Variants in SP140 observed in about 807,000 individuals in gnomAD.
The protein encoded by SP140 is SP140 nuclear body protein.
Under a neutral mutation model 125.0 loss-of-function variants are expected in SP140, and 81 were observed. The ratio of observed to expected loss-of-function variants is 0.65; its 90% CI spans 0.54 to 0.78. SP140 has a LOEUF of 0.78. Among genes scored for constraint, SP140 ranks in the 30% least tolerant of loss-of-function variants. The pLI, the probability that SP140 is intolerant of heterozygous loss-of-function variation, is 0.00. For missense variants in SP140, 858 were observed against 1,037.0 expected (o/e 0.83, Z 2.37); for synonymous variants, 312 against 354.0 (o/e 0.88, Z 1.33).
At chr2:230,305,074 T>A (rs1398845137) in intron 22 of SP140, among the ~76,000 whole-genome samples, 1 of 151,646 alleles carries the variant, frequency 6.6e-6, no homozygotes, top group Admixed American at 6.6e-5. Flanking sequence ...AATCAAATAA[T>A]CCCATCAAAA....
intron 1 of SP140, among the ~76,000 whole-genome samples, chr2:230,235,642 G>C (rs892398436): frequency 6.6e-6 from 1 of 152,036 alleles, no homozygotes; most frequent in African/African-American, 2.4e-5. Context: ...TCTTCATACC[G>C]TTTAGAAATA....
chr2:230,213,082 G>A, intron 1 of SP140: 1 of 1,581,434 alleles, frequency 6.3e-7, no homozygotes, highest in Non-Finnish European at 8.7e-7. Flanking sequence ...AATTACTTGG[G>A]GAAGGGGATT....
intron 1 of SP140, among the ~76,000 whole-genome samples, chr2:230,236,016 A>G (rs982415546): frequency 6.6e-6 from 1 of 151,930 alleles, no homozygotes; most frequent in Non-Finnish European, 1.5e-5. Context: ...AGCTGGGACT[A>G]CAGGCACCTG....
chr2:230,207,172 G>A (rs2043959068), intron 1 of SP140, among the ~76,000 whole-genome samples: 1 of 152,130 alleles, frequency 6.6e-6, no homozygotes, highest in Admixed American at 6.6e-5. Context: ...CAGGAGGAAA[G>A]GATGATGGCT....
chr2:230,292,391 AG>A (rs2149488450), intron 19 of SP140, among the ~76,000 whole-genome samples: 1 of 152,322 alleles, frequency 6.6e-6, no homozygotes, highest in African/African-American at 2.4e-5. Flanking sequence ...AATGCTTAAA[AG>A]GTTGCTCTTG....
chr2:230,225,730 ACTTTT>A, upstream of SP140: 1 of 865,424 alleles, frequency 1.2e-6, no homozygotes, highest in South Asian at 1.4e-5. Flanking sequence ...AGGCAATTTC[ACTTTT>A]CTTTTCCTCT....
At chr2:230,298,672 C>T (rs1282913858) in intron 22 of SP140, among the ~76,000 whole-genome samples, 4 of 152,192 alleles carry the variant, frequency 2.6e-5, no homozygotes, top group African/African-American at 9.6e-5. Flanking sequence ...TATCCCCATG[C>T]GTCCATAACC....
the SP140 span, among the ~76,000 whole-genome samples, chr2:230,194,920 AG>A: frequency 6.6e-6 from 1 of 152,122 alleles, no homozygotes; most frequent in Non-Finnish European, 1.5e-5. Context: ...GGGGTGGCCT[AG>A]GGGACAAGGT....
chr2:230,244,942 C>T lies in SP140; in HGVS notation c.572-46C>T, dbSNP rs756747062. 3.0e-6 allele frequency: 4 copies of T among 1,332,202 alleles called. No individual in the cohort carries two copies. The South Asian group carries it at 4.9e-5, about 16-fold the overall frequency. The allele number at this position is 1,332,202 out of a possible 1,614,324, so 82.5% of individuals were successfully genotyped here. ...GCTGAACACCAGGATTCAGCAGGAG[C>T]ATCCTGAGGTCTGTGCTCTCATCAC... On this transcript the variant is annotated intron_variant, in intron 5 of 26. Coordinates refer to ENST00000392045, the MANE Select transcript of SP140 (RefSeq NM_007237.5).
chr2:230,197,824 T>G, the SP140 span, among the ~76,000 whole-genome samples: 2 of 152,164 alleles, frequency 1.3e-5, no homozygotes, highest in East Asian at 3.8e-4. Context: ...ATAATTTTCT[T>G]TTTCTTTGTT....
intron 19 of SP140, 46 bp from the exon 20 acceptor site, chr2:230,292,600 G>A (rs763864133): frequency 1.9e-5 from 31 of 1,612,474 alleles, no homozygotes; most frequent in Middle Eastern, 1.6e-4. Flanking sequence ...TAGTCTGTGC[G>A]CTGGGAAAAA....
At chr2:230,236,777 A>G (rs528108630) in intron 1 of SP140, among the ~76,000 whole-genome samples, 2 of 152,328 alleles carry the variant, frequency 1.3e-5, no homozygotes, top group South Asian at 4.1e-4. Flanking sequence ...AAAGATTTTG[A>G]CATCTTTTAA....
At chr2:230,236,171 G>A (rs780778035) in intron 1 of SP140, among the ~76,000 whole-genome samples, 5 of 152,054 alleles carry the variant, frequency 3.3e-5, no homozygotes, top group African/African-American at 9.7e-5. Flanking sequence ...CACCGCGCCC[G>A]GCCTTCTTGT....
chr2:230,312,728 A>C lies in SP140; in HGVS notation c.*44A>C, dbSNP rs952925524. 7.0e-7 allele frequency: 1 copy of C among 1,421,598 alleles called. No individual in the cohort carries two copies. Among genetic ancestry groups the C allele is most frequent in the Non-Finnish European group, 9.9e-7 (1 of 1,008,096 alleles). The allele number at this position is 1,421,598 out of a possible 1,614,324, so 88.1% of individuals were successfully genotyped here. A position where few individuals can be genotyped will look rare whatever the true frequency, so the allele number is the denominator to read the frequency against. ...AAAGCATTCAGCAAATGGCACCCTAAAATATGCCGCTGGTTTGCCACTGAC... is the reference window on the plus strand; with the variant it reads ...AAAGCATTCAGCAAATGGCACCCTACAATATGCCGCTGGTTTGCCACTGAC... On this transcript the variant is annotated 3_prime_UTR_variant, in exon 27 of 27. Coordinates refer to ENST00000392045, the MANE Select transcript of SP140 (RefSeq NM_007237.5).
rs1176703998 is a variant in SP140, at chr2:230,237,129, C to G, written c.106C>G (p.Gln36Glu). The part of the protein sequence containing the change: ...QNVEGQNLQE[Q>E]VCPEPIFRFF... ...CGTAGAGGGTCAGAACCTGCAGGAG[C>G]AGGTTTGCCCTGAGCCCATTTTCAG... Residue 36 changes from glutamine to glutamate, a missense_variant, in exon 2 of 27, where the codon CAG becomes GAG. This residue lies in a region of SP140 where 791 missense variants were observed against 869.5 expected (regional missense o/e 0.91). Transcript: ENST00000392045. This position sits in a 1 kb window ranked among gnomAD's most constrained non-coding sequence, Gnocchi z 5.4. 5.0e-6 allele frequency: 8 copies of G among 1,609,466 alleles called. No individual in the cohort carries two copies. The highest frequency in any genetic ancestry group is 6.8e-6 in the Non-Finnish European group (8 of 1,178,512).
intron 22 of SP140, among the ~76,000 whole-genome samples, chr2:230,305,552 C>T (rs1239538805): frequency 6.6e-6 from 1 of 152,236 alleles, no homozygotes; most frequent in East Asian, 1.9e-4. Context: ...GGAGCCGCTG[C>T]AATGGGGCTA....
intron 15 of SP140, 56 bp from the exon 16 acceptor site, chr2:230,284,290 T>C (rs2056058137): frequency 4.7e-6 from 7 of 1,498,124 alleles, no homozygotes; most frequent in Admixed American, 2.2e-5. Flanking sequence ...CATATAAAAC[T>C]CAGAGAATTA....
chr2:230,276,384 G>T (rs889825495), intron 15 of SP140, among the ~76,000 whole-genome samples: 1 of 152,106 alleles, frequency 6.6e-6, no homozygotes, highest in Non-Finnish European at 1.5e-5. Context: ...TGCTGTATAA[G>T]TAAAATAAAG....
upstream of SP140, among the ~76,000 whole-genome samples, chr2:230,198,519 G>A (rs1161315261): frequency 9.2e-5 from 14 of 152,176 alleles, no homozygotes; most frequent in Admixed American, 9.2e-4. Context: ...TATTCTTATA[G>A]ATTAAAGATT....
Sources: allele counts gnomAD v4.1 joint callset (sites outside exome capture counted in the v4.1 genomes callset), GRCh38; gene constraint gnomAD v4.1.1; regional missense constraint gnomAD v4.1.1; non-coding constraint Gnocchi (gnomAD v3.1); transcripts MANE v1.5; gene names NCBI Gene and HGNC (gene_info 2026-07-23, HGNC 2026-07-21).